RGL4: variants seen among roughly 807,000 people sequenced by gnomAD.
RGL4 encodes ral-GDS-related protein.
RGL4 carries 41 observed loss-of-function variants against 49.6 expected under a neutral mutation model. The ratio of observed to expected loss-of-function variants is 0.83; its 90% CI spans 0.64 to 1.07. The LOEUF is 1.07. RGL4 is among the 50% of genes least tolerant of loss of function. The pLI is 0.00. For missense variants in RGL4, 610 were observed against 591.9 expected (o/e 1.03, Z -0.32); for synonymous variants, 255 against 238.0 (o/e 1.07, Z -0.66).
Position 23,696,732 on chromosome 22 carries a change from A to G in RGL4, c.1161+44A>G. 4.5e-6 allele frequency: 7 copies of G among 1,556,228 alleles called. 1 individual carries two copies. The highest frequency in any genetic ancestry group is 6.2e-6 in the Non-Finnish European group (7 of 1,137,492). Reference sequence around the variant, plus strand: ...TGGACGGGCCGCAGGGGATCAGAGGACAGGGCTCCCTTCCCCGCCAGCTGG... The same window carrying G: ...TGGACGGGCCGCAGGGGATCAGAGGGCAGGGCTCCCTTCCCCGCCAGCTGG... On this transcript the variant is annotated intron_variant, in intron 7 of 10. Transcript: ENST00000290691.
rs1601285698 is a variant in RGL4 at position 23,693,780 on chromosome 22, C to T, written c.718C>T (p.Leu240Phe). ...AAAGGAGCTGTTCAAGAAGGTGGTGCTCCACGAATGCTTGGGCTGCATCTG... is the reference window on the plus strand; with the variant it reads ...AAAGGAGCTGTTCAAGAAGGTGGTGTTCCACGAATGCTTGGGCTGCATCTG... ...MDAELFKKVV[L>F]HECLGCIWGQ... Residue 240 changes from leucine (L) to phenylalanine (F), a missense_variant, in exon 4 of 11, where the codon CTC (leucine) becomes TTC (phenylalanine). Physicochemically the swap from Leu to Phe is conservative, Grantham distance 22 (BLOSUM62 0). Transcript: ENST00000290691. 3.7e-6 allele frequency: 6 copies of T among 1,614,084 alleles called. No homozygotes were observed. In the East Asian group the frequency reaches 1.3e-4, roughly 36 times the overall value.
Position 23,692,840 on chromosome 22 carries a change from C to T in RGL4, c.545C>T (p.Pro182Leu). Residue 182 changes from proline (P) to leucine (L), a missense_variant, in exon 3 of 11, where the codon CCC becomes CTC. By Grantham distance (98) the Pro-to-Leu change is moderately conservative. Transcript: ENST00000290691. ...CCAGCACCAGCACCAGGGGAAGGGCCCCCTCCAGGGACAGTGCTGGAGCCA... is the reference window on the plus strand; with the variant it reads ...CCAGCACCAGCACCAGGGGAAGGGCTCCCTCCAGGGACAGTGCTGGAGCCA... ...PGPAPAPGEGPPPGTVLEPQS... is the reference protein window; with the variant it reads ...PGPAPAPGEGLPPGTVLEPQS... 1.2e-6 allele frequency: 2 copies of T among 1,613,638 alleles called. No homozygotes were observed. Among genetic ancestry groups the T allele is most frequent in the Non-Finnish European group, 1.7e-6 (2 of 1,179,994 alleles).
At position 23,697,264 on chromosome 22, in the gene RGL4, G is replaced by A. The variant is rs775817807; in HGVS notation, c.1236+19G>A. On this transcript the variant is annotated intron_variant, in intron 8 of 10. Coordinates refer to ENST00000290691, the MANE Select transcript of RGL4 (RefSeq NM_153615.2). ...CCTGGATGTGAGTGAGCCTGGGGCA[G>A]GGTGCTTGGGAACCAAGATCCTGAA... 109 of 1,603,672 alleles carry A rather than the reference G, an allele frequency of 6.8e-5. No individual in the cohort carries two copies. Among genetic ancestry groups the A allele is most frequent in the Non-Finnish European group, 6.0e-6 (7 of 1,171,264 alleles).
intron 10 of RGL4, 38 bp downstream of exon 10, chr22:23,698,371 C>T (rs367991784): frequency 1.9e-6 from 3 of 1,579,062 alleles, no homozygotes; most frequent in Middle Eastern, 1.7e-4. Context: ...TGGGAGAAGG[C>T]TCTCCATTTT....
rs773306238 is a variant in RGL4 at position 23,698,343 on chromosome 22, T to C, written c.1382+10T>C. 1.9e-6 allele frequency: 3 copies of C among 1,598,732 alleles called. No individual in the cohort carries two copies. Among genetic ancestry groups the C allele is most frequent in the Non-Finnish European group, 2.6e-6 (3 of 1,167,764 alleles). On this transcript the variant is annotated intron_variant, in intron 10 of 10. Coordinates refer to ENST00000290691, the MANE Select transcript of RGL4 (RefSeq NM_153615.2). ...TCAGTGACAAAGAGAGGTGAGGGCC[T>C]AGCCCATGGGCTGAGGGTGGGAGAA...
chr22:23,697,323 A>G (rs1411092384), intron 8 of RGL4, 78 bp downstream of exon 8: 2 of 1,197,106 alleles, frequency 1.7e-6, no homozygotes, highest in Non-Finnish European at 2.4e-6. Flanking sequence ...CCGAGCCTTT[A>G]GATCTCAGCC....
intron 6 of RGL4, 41 bp downstream of exon 6, chr22:23,695,060 G>A: frequency 6.8e-7 from 1 of 1,473,748 alleles, no homozygotes; most frequent in East Asian, 2.3e-5. Context: ...GTGTTTAAGG[G>A]TCAGAGAAAA....
intron 5 of RGL4, 125 bp downstream of exon 5, chr22:23,694,575 C>T (rs960668959): frequency 9.8e-6 from 7 of 715,776 alleles, no homozygotes; most frequent in Non-Finnish European, 1.7e-5. Context: ...AGGGATGGGC[C>T]GGTGGCTGTG....
At chr22:23,695,337 T>G in intron 6 of RGL4, 1 of 460,936 alleles carries the variant, frequency 2.2e-6, no homozygotes, top group South Asian at 1.7e-5. Flanking sequence ...TGCTGGTCCA[T>G]GCTGCTGGCA....
At chr22:23,695,471 GCTGC>G in intron 6 of RGL4, 5 of 604,066 alleles carry the variant, frequency 8.3e-6, no homozygotes, top group Non-Finnish European at 8.3e-6. Context: ...TGCTGCTGCT[GCTGC>G]TGTCTGCAGC....
Position 23,697,257 on chromosome 22 carries a change from T to C in RGL4, c.1236+12T>C. ...CGGACGACCTGGATGTGAGTGAGCC[T>C]GGGGCAGGGTGCTTGGGAACCAAGA... On this transcript the variant is annotated intron_variant, in intron 8 of 10. Coordinates refer to ENST00000290691, the MANE Select transcript of RGL4 (RefSeq NM_153615.2). 1.2e-6 allele frequency: 2 copies of C among 1,607,816 alleles called. No homozygotes were observed. The highest frequency in any genetic ancestry group is 1.7e-6 in the Non-Finnish European group (2 of 1,174,842).
chr22:23,696,437 G>A (rs780601575), intron 6 of RGL4, 177 bp from the exon 7 acceptor site: 33 of 1,537,630 alleles, frequency 2.1e-5, no homozygotes, highest in Non-Finnish European at 2.9e-5. Context: ...AACAGTCTCA[G>A]GGAGGCCCGG....
In RGL4 at chr22:23,692,725, C is replaced by T. The variant is rs185388625; in HGVS notation, c.430C>T (p.Pro144Ser). ...AACAATGCCGGCCCTGGAGCCAGCA[C>T]CACCACTGCTGGCGGACCTGGGGCC... ...ALTMPALEPA[P>S]PLLADLGPAL... Residue 144 changes from proline (P) to serine (S), a missense_variant, in exon 3 of 11, where the codon CCA becomes TCA. Physicochemically the swap from Pro to Ser is moderately conservative, Grantham distance 74. Coordinates refer to ENST00000290691, the MANE Select transcript of RGL4 (RefSeq NM_153615.2). 2 of 1,613,152 alleles carry T rather than the reference C, an allele frequency of 1.2e-6. No individual in the cohort carries two copies. Among genetic ancestry groups the T allele is most frequent in the East Asian group, 2.2e-5 (1 of 44,874 alleles).
intron 8 of RGL4, 30 bp from the exon 9 acceptor site, chr22:23,697,808 C>A (rs1255090018): frequency 3.8e-6 from 6 of 1,597,642 alleles, no homozygotes; most frequent in Middle Eastern, 1.9e-4. Context: ...GGGCCAGGGG[C>A]CTTTCTGATG....
chr22:23,696,427 AAC>A, intron 6 of RGL4, 185 bp from the exon 7 acceptor site: 1 of 1,532,702 alleles, frequency 6.5e-7, no homozygotes, highest in Non-Finnish European at 8.8e-7. Context: ...CAGAAGAGGA[AAC>A]AGTCTCAGGG....
chr22:23,697,697 G>A, intron 8 of RGL4, 141 bp from the exon 9 acceptor site: 9 of 873,290 alleles, frequency 1.0e-5, no homozygotes, highest in South Asian at 3.0e-5. Context: ...TCTAGAGCCC[G>A]GAGCCTGAGG....
intron 3 of RGL4, 138 bp downstream of exon 3, chr22:23,693,129 A>G: frequency 7.1e-7 from 1 of 1,400,970 alleles, no homozygotes; most frequent in South Asian, 1.5e-5. Context: ...GAGTTTCCTC[A>G]CCCACAAGCC....
intron 6 of RGL4, chr22:23,696,236 A>G: frequency 9.2e-7 from 1 of 1,083,292 alleles, no homozygotes; most frequent in South Asian, 1.7e-5. Flanking sequence ...AAATGAAGGG[A>G]TGCTGAGCCT....
In RGL4 at chr22:23,692,100, C is replaced by T. The variant is rs759089152; in HGVS notation, c.70C>T (p.Gln24Ter). The change falls in exon 1 of 11, where the codon CAG becomes TAG. Residue 24 changes from glutamine (Q) to a stop codon, truncating the protein, a stop_gained. Coordinates refer to ENST00000290691, the MANE Select transcript of RGL4 (RefSeq NM_153615.2). LOFTEE classifies it high-confidence loss of function. ...LSAQVYSAVL[Q>*]GLWEENVCGT... The stretch of plus-strand genomic sequence containing the variant: ...TGCCCAGGTGTACAGTGCTGTGCTC[C>T]AGGGCCTTTGGGAAGAGAATGTCTG... 18 of 1,614,114 alleles carry T rather than the reference C, an allele frequency of 1.1e-5. No homozygotes were observed. The highest frequency in any genetic ancestry group is 1.6e-4 in the Middle Eastern group (1 of 6,062).
Sources: allele counts gnomAD v4.1 joint callset, GRCh38; gene constraint gnomAD v4.1.1; transcripts MANE v1.5; gene names NCBI Gene and HGNC (gene_info 2026-07-23, HGNC 2026-07-21).